The following SNAP29 variants were observed in gnomAD, a reference collection of about 807,000 sequenced individuals.
SNAP29 encodes synaptosomal-associated protein 29.
In SNAP29, 13 loss-of-function variants were observed where a neutral mutation model predicts 27.9. The ratio of observed to expected loss-of-function variants is 0.47; its 90% CI spans 0.30 to 0.74. SNAP29 has a LOEUF of 0.74. SNAP29 is among the 30% of genes least tolerant of loss of function. SNAP29 has a pLI of 0.06. For missense variants in SNAP29, 368 were observed against 336.5 expected, an observed-to-expected ratio of 1.09 and a Z score of -0.73; for synonymous variants, 119 against 127.1, an observed-to-expected ratio of 0.94 and a Z score of 0.43.
In SNAP29 at chr22:20,888,077, A is replaced by G. The variant is rs1929063090; in HGVS notation, c.*241A>G. 5.9e-6 allele frequency: 3 copies of G among 512,270 alleles called. No individual in the cohort carries two copies. The highest frequency in any genetic ancestry group is 5.4e-4 in the Middle Eastern group (1 of 1,848). The allele number at this position is 512,270 out of a possible 1,614,324, so 31.7% of individuals were successfully genotyped here. A position where few individuals can be genotyped will look rare whatever the true frequency, so the allele number is the denominator to read the frequency against. On this transcript the variant is annotated 3_prime_UTR_variant, in exon 5 of 5. Transcript: ENST00000215730. ...CTTATTAGAGTTTTTGTCTGAGCAC[A>G]GTAGCCTGGCCCTGCATATCTTGGG...
chr22:20,866,297 C>T (rs540694175), intron 1 of SNAP29, among the ~76,000 whole-genome samples: 2 of 152,330 alleles, frequency 1.3e-5, no homozygotes, highest in East Asian at 1.9e-4. Context: ...ACAGTCAGAG[C>T]CCCGGGTTTG....
chr22:20,887,711 G>C lies in SNAP29; in HGVS notation c.652G>C (p.Asp218His). ...GTCCATGGGACTGGGTCGTCTGAAGGACATAGCCCTGGGGATGCAGACAGA... is the reference window on the plus strand; with the variant it reads ...GTCCATGGGACTGGGTCGTCTGAAGCACATAGCCCTGGGGATGCAGACAGA... Reference protein sequence around the residue: ...ELSMGLGRLKDIALGMQTEIE... With the variant: ...ELSMGLGRLKHIALGMQTEIE... The change falls in exon 5 of 5, where the codon GAC becomes CAC. Residue 218 changes from aspartate (D) to histidine (H), a missense_variant. Transcript: ENST00000215730. 2 of 1,614,180 alleles carry C rather than the reference G, an allele frequency of 1.2e-6. No homozygotes were observed. The highest frequency in any genetic ancestry group is 1.7e-6 in the Non-Finnish European group (2 of 1,180,042).
chr22:20,859,434 G>T, intron 1 of SNAP29, 87 bp downstream of exon 1: 2 of 1,010,144 alleles, frequency 2.0e-6, no homozygotes, highest in East Asian at 4.7e-5. Context: ...AATCTTTTGA[G>T]AATTCTCAAG....
At chr22:20,878,639 T>A (rs1005606133) in intron 2 of SNAP29, among the ~76,000 whole-genome samples, 1 of 150,452 alleles carries the variant, frequency 6.6e-6, no homozygotes, top group African/African-American at 2.4e-5. Context: ...GGGTGGGAGA[T>A]CAAGAGGGCG....
At chr22:20,865,719 T>C (rs1158951085) in intron 1 of SNAP29, among the ~76,000 whole-genome samples, 1 of 152,142 alleles carries the variant, frequency 6.6e-6, no homozygotes, top group Non-Finnish European at 1.5e-5. Context: ...AAGATGCTGA[T>C]TAAAACCATC....
Position 20,888,263 on chromosome 22 carries a change from G to A in SNAP29, c.*427G>A, listed in dbSNP as rs531705080. On this transcript the variant is annotated 3_prime_UTR_variant, in exon 5 of 5. Coordinates refer to ENST00000215730, the MANE Select transcript of SNAP29 (RefSeq NM_004782.4). Reference sequence around the variant, plus strand: ...TGTTAAGGGGGCCTGTGAACCAGTCGTTTGGTGGAGGAGGGTCCTTCCCAC... The same window carrying A: ...TGTTAAGGGGGCCTGTGAACCAGTCATTTGGTGGAGGAGGGTCCTTCCCAC... 7.0e-5 allele frequency: 20 copies of A among 286,938 alleles called. No individual in the cohort carries two copies. The highest frequency in any genetic ancestry group is 3.5e-4 in the Admixed American group (7 of 19,902). 17.8% of individuals were successfully genotyped at this position (286,938 alleles called of 1,614,324 possible).
At position 20,889,640 on chromosome 22, in the gene SNAP29, G is replaced by C. The variant is rs993819180; in HGVS notation, c.*1804G>C. The C allele has an allele frequency of 6.6e-6, 1 of 152,320 alleles. No individual in the cohort carries two copies. The highest frequency in any genetic ancestry group is 2.1e-4 in the South Asian group (1 of 4,828). 9.4% of individuals were successfully genotyped at this position (152,320 alleles called of 1,614,324 possible). On this transcript the variant is annotated 3_prime_UTR_variant, in exon 5 of 5. Coordinates refer to ENST00000215730, the MANE Select transcript of SNAP29 (RefSeq NM_004782.4). The stretch of plus-strand genomic sequence containing the variant: ...AAGCATGAACCCGGGATGCAGAGCA[G>C]CTTTTGTGCACGGTTCCACTTACTG...
At chr22:20,874,444 A>T (rs1928690300) in intron 2 of SNAP29, among the ~76,000 whole-genome samples, 1 of 151,092 alleles carries the variant, frequency 6.6e-6, no homozygotes, top group Admixed American at 6.6e-5. Context: ...CCAGCTACTG[A>T]GGTGGCTGAG....
intron 2 of SNAP29, among the ~76,000 whole-genome samples, chr22:20,876,270 T>C (rs1372042707): frequency 3.3e-5 from 5 of 150,560 alleles, no homozygotes; most frequent in African/African-American, 1.2e-4. Flanking sequence ...TTTTTTTTTT[T>C]TTTTTAAGAC....
intron 2 of SNAP29, among the ~76,000 whole-genome samples, chr22:20,875,294 CAT>C (rs1260517999): frequency 2.0e-5 from 3 of 152,192 alleles, no homozygotes; most frequent in African/African-American, 7.2e-5. Context: ...TCCCCAAAGT[CAT>C]GTACCCTGCC....
At position 20,890,851 on chromosome 22, in the gene SNAP29, G is replaced by A. The variant is rs145199625; in HGVS notation, c.*3015G>A. 0.03 allele frequency: 4,472 copies of A among 151,258 alleles called. 87 individuals are homozygous for A. The highest frequency in any genetic ancestry group is 0.065 in the Middle Eastern group (19 of 292). The allele number at this position is 151,258 out of a possible 1,614,324, so 9.4% of individuals were successfully genotyped here. A position where few individuals can be genotyped will look rare whatever the true frequency, so the allele number is the denominator to read the frequency against. Reference sequence around the variant, plus strand: ...AGCACTTTGGAAGGCCAAGGCAGGCGGATCACGAGGTCAGAAGATCGAGAC... The same window carrying A: ...AGCACTTTGGAAGGCCAAGGCAGGCAGATCACGAGGTCAGAAGATCGAGAC... On this transcript the variant is annotated 3_prime_UTR_variant, in exon 5 of 5. Transcript: ENST00000215730.
Position 20,890,006 on chromosome 22 carries a change from T to C in SNAP29, c.*2170T>C, listed in dbSNP as rs1929111379. 5.7e-6 allele frequency: 2 copies of C among 351,068 alleles called. No individual in the cohort carries two copies. The highest frequency in any genetic ancestry group is 4.2e-5 in the East Asian group (1 of 23,902). The allele number at this position is 351,068 out of a possible 1,614,324, so 21.7% of individuals were successfully genotyped here. A position where few individuals can be genotyped will look rare whatever the true frequency, so the allele number is the denominator to read the frequency against. On this transcript the variant is annotated 3_prime_UTR_variant, in exon 5 of 5. Transcript: ENST00000215730. Reference sequence around the variant, plus strand: ...GGAGTTGCCTTCACTTTTCTGGAAATTTGTCTTCGTCTGACATATTAGAGG... The same window carrying C: ...GGAGTTGCCTTCACTTTTCTGGAAACTTGTCTTCGTCTGACATATTAGAGG...
intron 4 of SNAP29, 85 bp downstream of exon 4, chr22:20,883,654 C>T: frequency 1.2e-6 from 1 of 860,906 alleles, no homozygotes; most frequent in Admixed American, 1.7e-5. Context: ...TGAGCATCCT[C>T]CAGCTTCAGT....
Position 20,870,349 on chromosome 22 carries a change from C to A in SNAP29, c.250C>A (p.Gln84Lys), listed in dbSNP as rs1315355162. 6.2e-7 allele frequency: 1 copy of A among 1,614,052 alleles called. No homozygotes were observed. ...GVASSEELARQRGVLERTEKM... is the reference protein window; with the variant it reads ...GVASSEELARKRGVLERTEKM... The stretch of plus-strand genomic sequence containing the variant: ...TCGGTTTCCCCAGGAGCTCGCCCGT[C>A]AGCGAGGAGTCCTGGAGCGCACAGA... The change falls in exon 2 of 5, where the codon CAG becomes AAG. Residue 84 changes from glutamine to lysine, a missense_variant. Gln to Lys is a moderately conservative substitution (Grantham distance 53). Coordinates refer to ENST00000215730, the MANE Select transcript of SNAP29 (RefSeq NM_004782.4).
At chr22:20,887,094 G>T (rs915315352) in intron 4 of SNAP29, among the ~76,000 whole-genome samples, 1 of 151,830 alleles carries the variant, frequency 6.6e-6, no homozygotes, top group Non-Finnish European at 1.5e-5. Flanking sequence ...GTGTGGTGGC[G>T]TGTGCCTGTA....
At position 20,890,442 on chromosome 22, in the gene SNAP29, A is replaced by G. The variant is rs1343611254; in HGVS notation, c.*2606A>G. 1 of 398,308 alleles carries G rather than the reference A, an allele frequency of 2.5e-6. No individual in the cohort carries two copies. The highest frequency in any genetic ancestry group is 4.4e-5 in the Admixed American group (1 of 22,706). 24.7% of individuals were successfully genotyped at this position (398,308 alleles called of 1,614,324 possible). ...TGACTTTTCTAACTTAAGGTTGGTT[A>G]TATGTTAAGTGTGCTACTAACTTAA... On this transcript the variant is annotated 3_prime_UTR_variant, in exon 5 of 5. Coordinates refer to ENST00000215730, the MANE Select transcript of SNAP29 (RefSeq NM_004782.4).
chr22:20,861,967 G>A (rs1459265876), intron 1 of SNAP29, among the ~76,000 whole-genome samples: 1 of 152,072 alleles, frequency 6.6e-6, no homozygotes, highest in African/African-American at 2.4e-5. Flanking sequence ...GACAGGTTTC[G>A]CCATGTTGGG....
At chr22:20,873,825 A>C (rs1928654002) in intron 2 of SNAP29, among the ~76,000 whole-genome samples, 1 of 151,546 alleles carries the variant, frequency 6.6e-6, no homozygotes. Flanking sequence ...AAAATCAGCC[A>C]GGCATGGTGG....
intron 1 of SNAP29, among the ~76,000 whole-genome samples, chr22:20,863,018 G>T (rs1315664547): frequency 6.6e-6 from 1 of 152,126 alleles, no homozygotes; most frequent in African/African-American, 2.4e-5. Flanking sequence ...CTCCCAAGTA[G>T]CCAAGACTAC....
Sources: gnomAD v4.1 joint callset for allele counts (sites outside exome capture counted in the v4.1 genomes callset) on GRCh38, gnomAD v4.1.1 for gene constraint, MANE v1.5 for transcripts, NCBI Gene and HGNC (gene_info 2026-07-23, HGNC 2026-07-21) for gene names.